The following DNAH14 variants were observed in gnomAD, a reference collection of about 807,000 sequenced individuals.
DNAH14 encodes the protein axonemal beta dynein heavy chain 14.
Under a neutral mutation model 520.9 loss-of-function variants are expected in DNAH14, and 478 were observed. That is an observed-to-expected ratio of 0.92 (90% CI 0.85 to 0.99). DNAH14 has a LOEUF of 0.99. DNAH14 is among the 50% of genes least tolerant of loss of function. The pLI is 0.00. For missense variants in DNAH14, 4,831 were observed against 5,234.5 expected, an observed-to-expected ratio of 0.92 and a Z score of 2.38; for synonymous variants, 1,581 against 1,757.2, an observed-to-expected ratio of 0.90 and a Z score of 2.51.
rs369828147 is a variant in DNAH14, at chr1:225,197,898, CTT to C, written c.5886+4989_5886+4990del. Among the ~76,000 whole-genome samples, 255 of 152,260 alleles carry C rather than the reference CTT, an allele frequency of 1.7e-3. 1 individual carries two copies. The highest frequency in any genetic ancestry group is 5.8e-3 in the African/African-American group (242 of 41,534). Reference sequence around the variant, plus strand: ...CGTGCATTAATTCTGTATTTAGAAACTTTGCTGAATACTTTTATCATTTCTAG... The same window carrying C: ...CGTGCATTAATTCTGTATTTAGAAACTGCTGAATACTTTTATCATTTCTAG... On this transcript the variant is annotated intron_variant, in intron 38 of 85. Transcript: ENST00000682510.
At chr1:225,138,054 C>T (rs1573424925) in intron 27 of DNAH14, among the ~76,000 whole-genome samples, 3 of 152,252 alleles carry the variant, frequency 2.0e-5, no homozygotes, top group Non-Finnish European at 1.5e-5. Context: ...GAGGGCCCCT[C>T]TTCATCTCCA....
chr1:225,025,073 C>G (rs763655546), intron 11 of DNAH14, among the ~76,000 whole-genome samples: 1 of 152,092 alleles, frequency 6.6e-6, no homozygotes, highest in Non-Finnish European at 1.5e-5. Context: ...CACAGTGGCT[C>G]ACACCTGTAA....
intron 21 of DNAH14, among the ~76,000 whole-genome samples, chr1:225,092,051 C>T (rs938273430): frequency 6.6e-6 from 1 of 152,088 alleles, no homozygotes; most frequent in Non-Finnish European, 1.5e-5. Flanking sequence ...ACACCCAACA[C>T]AGGAGCACCC....
intron 78 of DNAH14, among the ~76,000 whole-genome samples, chr1:225,375,267 T>G (rs2150701248): frequency 6.6e-6 from 1 of 152,342 alleles, no homozygotes; most frequent in East Asian, 1.9e-4. Flanking sequence ...GTTTATCCCC[T>G]CTTCTCCCCC....
intron 1 of DNAH14, among the ~76,000 whole-genome samples, chr1:224,946,773 T>A (rs1313581293): frequency 6.6e-6 from 1 of 152,082 alleles, no homozygotes; most frequent in Non-Finnish European, 1.5e-5. Context: ...TCTTTGTCCT[T>A]GTTTTGTTTG....
intron 34 of DNAH14, among the ~76,000 whole-genome samples, chr1:225,156,038 CCCTT>C (rs2149116270): frequency 6.6e-6 from 1 of 152,230 alleles, no homozygotes; most frequent in East Asian, 1.9e-4. Context: ...CCGTCCCTGT[CCCTT>C]CCTTTCCTTC....
intron 5 of DNAH14, 132 bp from the exon 6 acceptor site, chr1:224,967,299 A>C (rs2061239005): frequency 2.0e-6 from 1 of 499,682 alleles, no homozygotes; most frequent in African/African-American, 2.0e-5. Context: ...CTTTCTCCAA[A>C]TATAGTATTC....
At chr1:225,334,122 T>A (rs2094859462) in intron 66 of DNAH14, among the ~76,000 whole-genome samples, 4 of 152,166 alleles carry the variant, frequency 2.6e-5, no homozygotes, top group Non-Finnish European at 5.9e-5. Context: ...TAGGTGTAAA[T>A]GGACTAAATG....
chr1:225,395,623 TG>T (rs2096000689), intron 84 of DNAH14: 1 of 151,670 alleles, frequency 6.6e-6, no homozygotes, highest in African/African-American at 2.4e-5. Context: ...TTCTGTAGGA[TG>T]GGGCGGGGGG....
intron 27 of DNAH14, among the ~76,000 whole-genome samples, chr1:225,138,521 G>A (rs1385186332): frequency 6.6e-6 from 1 of 152,182 alleles, no homozygotes; most frequent in Non-Finnish European, 1.5e-5. Context: ...TTCCACCTTG[G>A]TGGGGAACCT....
At chr1:225,204,305 A>G in intron 39 of DNAH14, 32 bp downstream of exon 39, 2 of 1,251,440 alleles carry the variant, frequency 1.6e-6, no homozygotes, top group Non-Finnish European at 2.2e-6. Context: ...AAAGATTATT[A>G]ATATAGAAGA....
At chr1:225,204,356 C>A in intron 39 of DNAH14, 83 bp downstream of exon 39, 1 of 826,960 alleles carries the variant, frequency 1.2e-6, no homozygotes, top group Non-Finnish European at 1.8e-6. Flanking sequence ...TATGTTTAAA[C>A]ATGTTTTTTG....
intron 9 of DNAH14, 136 bp from the exon 10 acceptor site, chr1:225,007,277 G>A: frequency 1.9e-6 from 1 of 536,880 alleles, no homozygotes; most frequent in Non-Finnish European, 2.7e-6. Context: ...TGAAAAACAT[G>A]TAAGTCATAT....
At chr1:225,147,958 A>ATGATCTC (rs1359063221) in intron 31 of DNAH14, among the ~76,000 whole-genome samples, 1 of 152,176 alleles carries the variant, frequency 6.6e-6, no homozygotes, top group African/African-American at 2.4e-5. Flanking sequence ...TGCAAAGGAC[A>ATGATCTC]TGATCTCATT....
intron 11 of DNAH14, among the ~76,000 whole-genome samples, chr1:225,025,158 C>T (rs894080929): frequency 6.6e-6 from 1 of 151,670 alleles, no homozygotes; most frequent in Non-Finnish European, 1.5e-5. Flanking sequence ...GGCAACATGG[C>T]GAGACCCTGT....
chr1:224,974,271 C>A, intron 8 of DNAH14, 118 bp downstream of exon 8: 1 of 579,366 alleles, frequency 1.7e-6, no homozygotes, highest in Non-Finnish European at 2.7e-6. Flanking sequence ...CATTCCATTG[C>A]TTTACGATTA....
chr1:225,272,924 TA>T, intron 51 of DNAH14, 30 bp from the exon 52 acceptor site: 1 of 1,489,188 alleles, frequency 6.7e-7, no homozygotes, highest in Non-Finnish European at 8.9e-7. Flanking sequence ...TAATTTTTTT[TA>T]AAAAAACGTT....
At chr1:225,071,498 A>G (rs2071538547) in intron 17 of DNAH14, among the ~76,000 whole-genome samples, 1 of 152,100 alleles carries the variant, frequency 6.6e-6, no homozygotes, top group Non-Finnish European at 1.5e-5. Context: ...AAGTATGTTG[A>G]ATATTGGCCT....
At chr1:225,045,687 G>A (rs1467012200) in intron 15 of DNAH14, among the ~76,000 whole-genome samples, 1 of 152,056 alleles carries the variant, frequency 6.6e-6, no homozygotes, top group East Asian at 1.9e-4. Context: ...TACTGGGTGT[G>A]TGCCCTTTTC....
Sources: gnomAD v4.1 joint callset for allele counts (sites outside exome capture counted in the v4.1 genomes callset) on GRCh38, gnomAD v4.1.1 for gene constraint, MANE v1.5 for transcripts, NCBI Gene and HGNC (gene_info 2026-07-23, HGNC 2026-07-21) for gene names.